The following MYRIP variants were observed in gnomAD, a reference collection of about 807,000 sequenced individuals.
MYRIP encodes the protein rab effector MyRIP.
In MYRIP, 49 loss-of-function variants were observed where a neutral mutation model predicts 98.0. That is an observed-to-expected ratio of 0.50 (90% CI 0.40 to 0.63). The LOEUF (loss-of-function observed/expected upper bound fraction) is 0.63, where lower values mean the gene tolerates loss of function less well. Among genes scored for constraint, MYRIP ranks in the 30% least tolerant of loss-of-function variants. The pLI, the probability that MYRIP is intolerant of heterozygous loss-of-function variation, is 0.00. For synonymous variants in MYRIP, 404 were observed against 409.5 expected, an observed-to-expected ratio of 0.99 and a Z score of 0.16; for missense variants, 1,004 against 1,058.2, an observed-to-expected ratio of 0.95 and a Z score of 0.71.
intron 1 of MYRIP, among the ~76,000 whole-genome samples, chr3:39,857,430 A>G (rs1664392009): frequency 6.6e-6 from 1 of 152,218 alleles, no homozygotes; most frequent in Non-Finnish European, 1.5e-5. Flanking sequence ...TTAAAATTCT[A>G]GAGCTGAAGA....
chr3:40,058,650 G>A (rs1267751004), intron 3 of MYRIP, among the ~76,000 whole-genome samples: 1 of 151,998 alleles, frequency 6.6e-6, no homozygotes, highest in Admixed American at 6.6e-5. Context: ...CTATCCTAAG[G>A]AAGCCCCTGA....
chr3:39,855,903 C>A (rs2125611845), intron 1 of MYRIP, among the ~76,000 whole-genome samples: 1 of 152,286 alleles, frequency 6.6e-6, no homozygotes, highest in South Asian at 2.1e-4. Flanking sequence ...CCCTGCAACC[C>A]CTCCTCAATT....
chr3:40,255,970 A>G (rs1953576590), intron 16 of MYRIP, among the ~76,000 whole-genome samples: 1 of 152,216 alleles, frequency 6.6e-6, no homozygotes, highest in Admixed American at 6.5e-5. Context: ...AACAATGCCA[A>G]ACATAATCTA....
At chr3:39,830,171 GT>G (rs1348946273) in intron 1 of MYRIP, among the ~76,000 whole-genome samples, 2 of 152,020 alleles carry the variant, frequency 1.3e-5, no homozygotes, top group Non-Finnish European at 2.9e-5. Context: ...CTCTTTTGTG[GT>G]CTACCCTATA....
intron 15 of MYRIP, 87 bp from the exon 16 acceptor site, chr3:40,251,794 C>CT (rs1174653203): frequency 9.4e-6 from 8 of 855,452 alleles, no homozygotes; most frequent in Non-Finnish European, 1.6e-5. Context: ...GAACAAAAGT[C>CT]TGAGTAATCT....
At chr3:40,168,403 C>A (rs1950542647) in intron 7 of MYRIP, among the ~76,000 whole-genome samples, 1 of 152,172 alleles carries the variant, frequency 6.6e-6, no homozygotes, top group Admixed American at 6.5e-5. Flanking sequence ...CTTGCATTAG[C>A]CTATAACTGG....
chr3:40,113,979 G>A (rs765558081), intron 3 of MYRIP, among the ~76,000 whole-genome samples: 15 of 152,060 alleles, frequency 9.9e-5, no homozygotes, highest in Non-Finnish European at 1.6e-4. Flanking sequence ...ATGAACCACC[G>A]CACTCAGCCA....
At chr3:40,227,777 G>C (rs1952530800) in intron 11 of MYRIP, among the ~76,000 whole-genome samples, 1 of 152,186 alleles carries the variant, frequency 6.6e-6, no homozygotes, top group Non-Finnish European at 1.5e-5. Flanking sequence ...AGAGCAGGTG[G>C]GAGGTGCTTG....
At chr3:40,043,791 GA>G (rs1947602248) in intron 2 of MYRIP, among the ~76,000 whole-genome samples, 1 of 152,212 alleles carries the variant, frequency 6.6e-6, no homozygotes, top group Non-Finnish European at 1.5e-5. Flanking sequence ...TGTAGTCTCT[GA>G]AATGGAAGTG....
rs374741182 is a variant in MYRIP at position 40,189,814 on chromosome 3, C to T, written c.1028-12C>T. 2.5e-6 allele frequency: 4 copies of T among 1,597,926 alleles called. No individual in the cohort carries two copies. The African/African-American group carries it at 5.4e-5, about 21-fold the overall frequency. ...AGCCCCTCTCTGCTTTCTCTATCCT[C>T]TCCATCCACAGACCTGGCCCCAGTT... is the stretch of plus-strand genomic sequence containing the variant. On this transcript the variant is annotated splice_polypyrimidine_tract_variant and intron_variant, in intron 9 of 16. Transcript: ENST00000302541.
chr3:40,024,774 G>A (rs1466198764), intron 2 of MYRIP, among the ~76,000 whole-genome samples: 1 of 152,132 alleles, frequency 6.6e-6, no homozygotes, highest in Non-Finnish European at 1.5e-5. Context: ...TCAAGGTCAG[G>A]AGTGGATGTG....
At chr3:40,232,129 G>A (rs779829921) in intron 11 of MYRIP, among the ~76,000 whole-genome samples, 5 of 152,092 alleles carry the variant, frequency 3.3e-5, no homozygotes, top group South Asian at 2.1e-4. Context: ...CCTCTATCTC[G>A]TTCCCCTGGG....
chr3:39,886,183 A>G (rs1943297282), intron 1 of MYRIP, among the ~76,000 whole-genome samples: 2 of 152,046 alleles, frequency 1.3e-5, no homozygotes, highest in African/African-American at 4.8e-5. Flanking sequence ...GAGCTCCTGA[A>G]GGAAGCACTA....
intron 2 of MYRIP, among the ~76,000 whole-genome samples, chr3:40,035,205 C>G (rs1048671626): frequency 1.3e-5 from 2 of 150,502 alleles, no homozygotes; most frequent in African/African-American, 4.9e-5. Context: ...CACATGTACC[C>G]TAAAACTTAA....
At position 40,166,968 on chromosome 3, in the gene MYRIP, G is replaced by A. The variant is rs190232169; in HGVS notation, c.648+25G>A. 1.5e-4 allele frequency: 229 copies of A among 1,566,926 alleles called. No individual in the cohort carries two copies. In the African/African-American group the frequency reaches 2.5e-3, roughly 17 times the overall value. ...GGTAGGGCCCCTCCTGCTCCTCTCTGTGGGGGGAGGTGTGGGTTGGGGTCC... is the reference window on the plus strand; with the variant it reads ...GGTAGGGCCCCTCCTGCTCCTCTCTATGGGGGGAGGTGTGGGTTGGGGTCC... On this transcript the variant is annotated intron_variant, in intron 6 of 16. Transcript: ENST00000302541.
intron 2 of MYRIP, among the ~76,000 whole-genome samples, chr3:40,013,245 C>A (rs571973599): frequency 6.6e-6 from 1 of 152,310 alleles, no homozygotes; most frequent in South Asian, 2.1e-4. Flanking sequence ...TCCATTATTA[C>A]TCTCGTGTCA....
chr3:40,218,598 CATATATATATATTTTATATATATAT>C (rs1952203828), intron 11 of MYRIP, among the ~76,000 whole-genome samples: 7 of 14,236 alleles, frequency 4.9e-4, no homozygotes, highest in East Asian at 3.7e-3. Context: ...CACACACACA[CATATATATATATTTTATATATATAT>C]ATATATATAT....
intron 1 of MYRIP, among the ~76,000 whole-genome samples, chr3:39,839,477 C>T (rs1941729174): frequency 6.6e-6 from 1 of 152,124 alleles, no homozygotes; most frequent in Non-Finnish European, 1.5e-5. Context: ...AGACTGGTCT[C>T]AAACTCCTGA....
chr3:39,874,317 T>C (rs1364657585), intron 1 of MYRIP, among the ~76,000 whole-genome samples: 3 of 151,920 alleles, frequency 2.0e-5, no homozygotes, highest in Non-Finnish European at 4.4e-5. Context: ...CTTTTCCTAA[T>C]TGAATACCCT....
Sources: allele counts gnomAD v4.1 joint callset (sites outside exome capture counted in the v4.1 genomes callset), GRCh38; gene constraint gnomAD v4.1.1; transcripts MANE v1.5; gene names NCBI Gene and HGNC (gene_info 2026-07-23, HGNC 2026-07-21).